The following CTSS variants were observed in gnomAD, a reference collection of about 807,000 sequenced individuals.
CTSS encodes the protein cathepsin S.
In CTSS, 15 loss-of-function variants were observed where a neutral mutation model predicts 39.9. The observed-to-expected ratio is 0.38, with a 90% CI of 0.25 to 0.58. CTSS has a LOEUF of 0.58. Ranked by LOEUF, CTSS falls within the 20% of genes least tolerant of loss-of-function variation. CTSS has a pLI of 0.70. For synonymous variants in CTSS, 126 were observed against 138.2 expected, an observed-to-expected ratio of 0.91 and a Z score of 0.62; for missense variants, 250 against 398.2, an observed-to-expected ratio of 0.63 and a Z score of 3.17.
At chr1:150,764,587 G>C in intron 2 of CTSS, 51 bp downstream of exon 2, 1 of 1,608,596 alleles carries the variant, frequency 6.2e-7, no homozygotes, top group South Asian at 1.1e-5. Context: ...TTAAGAGGTA[G>C]AAAACAGTAC....
In CTSS at chr1:150,759,038, A is replaced by AT. The variant is rs113057575; in HGVS notation, c.127-1059dup. On this transcript the variant is annotated intron_variant, in intron 2 of 7. Transcript: ENST00000368985. ...TTATTTTTATTTTTATTTTATTATT[A>AT]TTTTTTTTTTTTGTAGAGACAGGGT... Among the ~76,000 whole-genome samples the AT allele has an allele frequency of 2.4e-3, 174 of 72,340 alleles. 1 individual carries two copies. Among genetic ancestry groups the AT allele is most frequent in the Admixed American group, 5.1e-3 (29 of 5,646 alleles). 47.5% of individuals were successfully genotyped at this position (72,340 alleles called of 152,430 possible). A position where few individuals can be genotyped will look rare whatever the true frequency, so the allele number is the denominator to read the frequency against.
At position 150,731,939 on chromosome 1, in the gene CTSS, C is replaced by T. The variant is rs1354295255; in HGVS notation, c.*1107G>A. Reference sequence around the variant, plus strand: ...CCTCTTTTTTTAAGACAGGGTCTTGCTCTGTCACCCAGGCTGGAGTGCAGT... The same window carrying T: ...CCTCTTTTTTTAAGACAGGGTCTTGTTCTGTCACCCAGGCTGGAGTGCAGT... On this transcript the variant is annotated 3_prime_UTR_variant, in exon 8 of 8. Coordinates refer to ENST00000368985, the MANE Select transcript of CTSS (RefSeq NM_004079.5). 6.6e-6 allele frequency: 1 copy of T among 152,118 alleles called. No homozygotes were observed. Among genetic ancestry groups the T allele is most frequent in the Non-Finnish European group, 1.5e-5 (1 of 68,050 alleles). 9.4% of individuals were successfully genotyped at this position (152,118 alleles called of 1,614,324 possible). A position where few individuals can be genotyped will look rare whatever the true frequency, so the allele number is the denominator to read the frequency against.
intron 7 of CTSS, among the ~76,000 whole-genome samples, chr1:150,745,554 T>C (rs587614046): frequency 8.5e-5 from 13 of 152,160 alleles, no homozygotes; most frequent in African/African-American, 3.1e-4. Flanking sequence ...GCCAGCTACT[T>C]TGGTGGCTGA....
chr1:150,732,998 G>C lies in CTSS; in HGVS notation c.*48C>G. On this transcript the variant is annotated 3_prime_UTR_variant, in exon 8 of 8. Transcript: ENST00000368985. ...GATACAGCAGGAAAAATTAAGTTAA[G>C]AGAAAGTGCTTCATATTTCTTGATT... 7.5e-7 allele frequency: 1 copy of C among 1,332,128 alleles called. No individual in the cohort carries two copies. The highest frequency in any genetic ancestry group is 1.2e-5 in the South Asian group (1 of 82,338). The allele number at this position is 1,332,128 out of a possible 1,614,324, so 82.5% of individuals were successfully genotyped here.
At chr1:150,759,572 A>G (rs1199254488) in intron 2 of CTSS, among the ~76,000 whole-genome samples, 1 of 151,948 alleles carries the variant, frequency 6.6e-6, no homozygotes, top group Non-Finnish European at 1.5e-5. Context: ...AAGATTTCTA[A>G]TTTATTTCTT....
intron 3 of CTSS, among the ~76,000 whole-genome samples, chr1:150,755,412 CAT>C (rs1284643016): frequency 6.6e-6 from 1 of 152,032 alleles, no homozygotes; most frequent in African/African-American, 2.4e-5. Context: ...TATATCTAAA[CAT>C]AGAAAAGGTA....
chr1:150,763,949 A>G (rs1239681282), intron 2 of CTSS, among the ~76,000 whole-genome samples: 1 of 151,990 alleles, frequency 6.6e-6, no homozygotes, highest in Non-Finnish European at 1.5e-5. Flanking sequence ...CCTGGCTTCC[A>G]TCAATTCTCT....
At chr1:150,742,501 G>T (rs974992268) in intron 7 of CTSS, among the ~76,000 whole-genome samples, 3 of 152,108 alleles carry the variant, frequency 2.0e-5, no homozygotes, top group Non-Finnish European at 4.4e-5. Flanking sequence ...AATGTCTAAG[G>T]TTATGTTAAA....
chr1:150,750,300 T>C, intron 5 of CTSS, 129 bp from the exon 6 acceptor site: 1 of 620,120 alleles, frequency 1.6e-6, no homozygotes, highest in Non-Finnish European at 2.6e-6. Context: ...GGCTCCTTCC[T>C]TTGCAAATCT....
chr1:150,739,397 C>G (rs1652698277), intron 7 of CTSS, among the ~76,000 whole-genome samples: 1 of 151,996 alleles, frequency 6.6e-6, no homozygotes, highest in African/African-American at 2.4e-5. Context: ...AAATGCTACT[C>G]CAGTGAACAC....
At chr1:150,756,242 C>A (rs1253093306) in intron 3 of CTSS, among the ~76,000 whole-genome samples, 1 of 152,144 alleles carries the variant, frequency 6.6e-6, no homozygotes, top group African/African-American at 2.4e-5. Flanking sequence ...TCAGGGGCAA[C>A]AACACGTATG....
Position 150,731,684 on chromosome 1 carries a change from A to G in CTSS, c.*1362T>C, listed in dbSNP as rs1652527141. 6.6e-6 allele frequency: 1 copy of G among 152,178 alleles called. No individual in the cohort carries two copies. The highest frequency in any genetic ancestry group is 6.5e-5 in the Admixed American group (1 of 15,270). The allele number at this position is 152,178 out of a possible 1,614,324, so 9.4% of individuals were successfully genotyped here. On this transcript the variant is annotated 3_prime_UTR_variant, in exon 8 of 8. Coordinates refer to ENST00000368985, the MANE Select transcript of CTSS (RefSeq NM_004079.5). ...GCATCTACTAATCTAGAGCAGTTGT[A>G]AGGAAGATCCATCTGAATTAGATAA... is the stretch of plus-strand genomic sequence containing the variant.
intron 5 of CTSS, 64 bp downstream of exon 5, chr1:150,751,717 G>T: frequency 6.9e-7 from 1 of 1,452,540 alleles, no homozygotes; most frequent in Non-Finnish European, 9.6e-7. Context: ...GGCAAGCCCA[G>T]CACAGTCAGT....
intron 7 of CTSS, among the ~76,000 whole-genome samples, chr1:150,739,026 C>G (rs1652691742): frequency 6.6e-6 from 1 of 152,048 alleles, no homozygotes; most frequent in Non-Finnish European, 1.5e-5. Flanking sequence ...GAAACCCCGT[C>G]TGTACTAAAA....
chr1:150,761,193 AAAAAG>A (rs1166285725), intron 2 of CTSS, among the ~76,000 whole-genome samples: 3 of 151,704 alleles, frequency 2.0e-5, no homozygotes, highest in East Asian at 1.9e-4. Flanking sequence ...AAAAAAAAAA[AAAAAG>A]AGAGAAGAAA....
At position 150,730,969 on chromosome 1, in the gene CTSS, A is replaced by C. The variant is rs937554815; in HGVS notation, c.*2077T>G. The C allele has an allele frequency of 6.6e-6, 1 of 152,214 alleles. No homozygotes were observed. Among genetic ancestry groups the C allele is most frequent in the Non-Finnish European group, 1.5e-5 (1 of 68,030 alleles). The allele number at this position is 152,214 out of a possible 1,614,324, so 9.4% of individuals were successfully genotyped here. ...CTTTGTAATCCTATATATTTTATGC[A>C]TTTAAAAACATGATTTTAAGAAGGC... On this transcript the variant is annotated 3_prime_UTR_variant, in exon 8 of 8. Coordinates refer to ENST00000368985, the MANE Select transcript of CTSS (RefSeq NM_004079.5).
chr1:150,764,995 A>G (rs1653341788), intron 1 of CTSS, among the ~76,000 whole-genome samples: 1 of 152,102 alleles, frequency 6.6e-6, no homozygotes, highest in South Asian at 2.1e-4. Context: ...ATTTCCAGGA[A>G]TTTCCCAATA....
chr1:150,738,622 C>A (rs587719275), intron 7 of CTSS, among the ~76,000 whole-genome samples: 49 of 151,326 alleles, frequency 3.2e-4, no homozygotes, highest in Non-Finnish European at 5.7e-4. Context: ...TAGCTGGGAC[C>A]ACAAATATGC....
rs1191555803 is a variant in CTSS, at chr1:150,732,285, A to T, written c.*761T>A. ...TATAGCCTAATATTTTCTTCCATCA[A>T]AGTTGCTAAACCCCATCACCAGAAT... On this transcript the variant is annotated 3_prime_UTR_variant, in exon 8 of 8. Coordinates refer to ENST00000368985, the MANE Select transcript of CTSS (RefSeq NM_004079.5). 1 of 152,136 alleles carries T rather than the reference A, an allele frequency of 6.6e-6. No individual in the cohort carries two copies. Among genetic ancestry groups the T allele is most frequent in the Non-Finnish European group, 1.5e-5 (1 of 68,008 alleles). The allele number at this position is 152,136 out of a possible 1,614,324, so 9.4% of individuals were successfully genotyped here.
Sources: allele counts gnomAD v4.1 joint callset (sites outside exome capture counted in the v4.1 genomes callset), GRCh38; gene constraint gnomAD v4.1.1; transcripts MANE v1.5; gene names NCBI Gene and HGNC (gene_info 2026-07-23, HGNC 2026-07-21).